The following TMTC2 variants were observed in gnomAD, a reference collection of about 807,000 sequenced individuals.
TMTC2 encodes the protein protein O-mannosyl-transferase TMTC2.
A neutral mutation model predicts 82.4 loss-of-function variants in TMTC2; 43 were observed. The ratio of observed to expected loss-of-function variants is 0.52; its 90% CI spans 0.41 to 0.67. TMTC2 has a LOEUF of 0.67. Among genes scored for constraint, TMTC2 ranks in the 30% least tolerant of loss-of-function variants. The pLI is 0.00. For missense variants in TMTC2, 919 were observed against 1,012.4 expected (o/e 0.91, Z 1.25); for synonymous variants, 408 against 381.9 (o/e 1.07, Z -0.80).
chr12:83,073,302 G>A (rs1883179364), intron 11 of TMTC2, among the ~76,000 whole-genome samples: 1 of 152,100 alleles, frequency 6.6e-6, no homozygotes, highest in African/African-American at 2.4e-5. Flanking sequence ...CTGAAGATAG[G>A]GCCCCAAGCC....
Position 82,918,348 on chromosome 12 carries a change from G to A in TMTC2, c.1484-12083G>A, listed in dbSNP as rs992113008. The stretch of plus-strand genomic sequence containing the variant: ...AAGATTGCAATTTTTACCTCCTCAT[G>A]GAAGTAACACTTTGATTTCAAACAA... On this transcript the variant is annotated intron_variant, in intron 3 of 11. Transcript: ENST00000321196. 5.3e-5 allele frequency among the ~76,000 whole-genome samples: 8 copies of A among 152,304 alleles called. No individual in the cohort carries two copies. In the South Asian group the frequency reaches 1.2e-3, roughly 24 times the overall value.
At chr12:82,855,298 C>A (rs2137112817) in intron 1 of TMTC2, among the ~76,000 whole-genome samples, 1 of 152,262 alleles carries the variant, frequency 6.6e-6, no homozygotes, top group East Asian at 1.9e-4. Flanking sequence ...TGCAGTCAGG[C>A]AGTGAATGAA....
Position 82,850,841 on chromosome 12 carries a change from A to G in TMTC2, c.84-6169A>G, listed in dbSNP as rs113917620. On this transcript the variant is annotated intron_variant, in intron 1 of 11. Transcript: ENST00000321196. ...AGCACTTAGGGAGGCTGAGGTGGGC[A>G]GATCATGAGGTCAAGAGATGGAGAC... Among the ~76,000 whole-genome samples the G allele has an allele frequency of 3.5e-3, 526 of 152,016 alleles. 6 individuals carry two copies. The highest frequency in any genetic ancestry group is 0.012 in the African/African-American group (497 of 41,432).
intron 1 of TMTC2, among the ~76,000 whole-genome samples, chr12:82,745,854 C>A (rs570130608): frequency 1.3e-5 from 2 of 152,172 alleles, no homozygotes; most frequent in Non-Finnish European, 2.9e-5. Context: ...ACGTTTCTAA[C>A]ACCCCTCCCC....
At chr12:83,090,531 T>C (rs1308489976) in intron 11 of TMTC2, among the ~76,000 whole-genome samples, 2 of 152,180 alleles carry the variant, frequency 1.3e-5, no homozygotes, top group African/African-American at 4.8e-5. Flanking sequence ...TCCGAGAGTT[T>C]ATGAATGGCA....
intron 11 of TMTC2, among the ~76,000 whole-genome samples, chr12:83,095,731 A>G (rs1884008084): frequency 6.6e-6 from 1 of 152,164 alleles, no homozygotes; most frequent in Non-Finnish European, 1.5e-5. Context: ...GTAATGAACA[A>G]ACTGATTTAT....
At chr12:82,904,413 A>G (rs1874181952) in intron 3 of TMTC2, among the ~76,000 whole-genome samples, 1 of 152,204 alleles carries the variant, frequency 6.6e-6, no homozygotes, top group Admixed American at 6.5e-5. Context: ...ATTGGATGCA[A>G]ATGACGATGA....
intron 8 of TMTC2, among the ~76,000 whole-genome samples, chr12:83,003,167 T>C (rs1256830240): frequency 6.6e-6 from 1 of 152,194 alleles, no homozygotes; most frequent in Non-Finnish European, 1.5e-5. Context: ...CATCATCATA[T>C]AATACCCTTC....
chr12:83,022,131 C>A (rs1439961828), intron 8 of TMTC2: 1 of 151,752 alleles, frequency 6.6e-6, no homozygotes, highest in African/African-American at 2.4e-5. Flanking sequence ...AGAAAAAAGA[C>A]TAATTTCATG....
chr12:82,970,383 C>G (rs1328780094), intron 7 of TMTC2, among the ~76,000 whole-genome samples: 260 of 152,294 alleles, frequency 1.7e-3, no homozygotes, highest in African/African-American at 5.1e-3. Context: ...GGACTGCGGA[C>G]TGCAGTGGCG....
Position 82,812,365 on chromosome 12 carries a change from A to G in TMTC2, c.84-44645A>G, listed in dbSNP as rs560096363. On this transcript the variant is annotated intron_variant, in intron 1 of 11. Transcript: ENST00000321196. ...TGGGAATTAAAAAAAAGAATCCCATAAGAAGTAAGGAGTTTATTTTAAAGT... is the reference window on the plus strand; with the variant it reads ...TGGGAATTAAAAAAAAGAATCCCATGAGAAGTAAGGAGTTTATTTTAAAGT... Among the ~76,000 whole-genome samples the G allele has an allele frequency of 1.8e-4, 28 of 152,224 alleles. No homozygotes were observed. The Middle Eastern group carries it at 0.014, about 74-fold the overall frequency.
At chr12:82,800,015 G>C (rs946784827) in intron 1 of TMTC2, among the ~76,000 whole-genome samples, 3 of 152,048 alleles carry the variant, frequency 2.0e-5, no homozygotes, top group Admixed American at 2.0e-4. Context: ...ATATAAACTA[G>C]TTTAATGTGT....
At chr12:82,696,464 T>C (rs1014572692) in intron 1 of TMTC2, among the ~76,000 whole-genome samples, 3 of 152,210 alleles carry the variant, frequency 2.0e-5, no homozygotes, top group African/African-American at 7.2e-5. Context: ...TTAATAAAAA[T>C]CTTTTAAAGA....
At chr12:82,961,136 A>AGT (rs1164739383) in intron 4 of TMTC2, among the ~76,000 whole-genome samples, 1 of 151,500 alleles carries the variant, frequency 6.6e-6, no homozygotes, top group Non-Finnish European at 1.5e-5. Context: ...TGAATAATAA[A>AGT]GTAATATATG....
At chr12:82,999,865 T>A (rs564760276) in intron 8 of TMTC2, among the ~76,000 whole-genome samples, 2 of 152,280 alleles carry the variant, frequency 1.3e-5, no homozygotes, top group South Asian at 4.1e-4. Context: ...AAATCTCATG[T>A]CTTCACATTT....
At chr12:82,731,618 T>C (rs1874813516) in intron 1 of TMTC2, among the ~76,000 whole-genome samples, 2 of 152,232 alleles carry the variant, frequency 1.3e-5, no homozygotes, top group Admixed American at 1.3e-4. Context: ...TTGAAAGTTT[T>C]AGACTATTAC....
At chr12:82,963,010 G>A (rs1355631929) in intron 4 of TMTC2, among the ~76,000 whole-genome samples, 2 of 151,968 alleles carry the variant, frequency 1.3e-5, no homozygotes, top group African/African-American at 4.8e-5. Flanking sequence ...GTAGTTGAGT[G>A]GAGTTTCACA....
chr12:82,960,943 G>A (rs1171268572), intron 4 of TMTC2, among the ~76,000 whole-genome samples: 1 of 151,788 alleles, frequency 6.6e-6, no homozygotes, highest in East Asian at 1.9e-4. Flanking sequence ...GTCATAAAAA[G>A]CCTTTAGTAT....
intron 1 of TMTC2, among the ~76,000 whole-genome samples, chr12:82,740,984 G>T (rs1875375465): frequency 1.3e-5 from 2 of 152,262 alleles, no homozygotes; most frequent in African/African-American, 4.8e-5. Context: ...TGTGAAGGAG[G>T]TGGCACTCTT....
Sources: gnomAD v4.1 joint callset for allele counts (sites outside exome capture counted in the v4.1 genomes callset) on GRCh38, gnomAD v4.1.1 for gene constraint, MANE v1.5 for transcripts, NCBI Gene and HGNC (gene_info 2026-07-23, HGNC 2026-07-21) for gene names.